Variants in DOP1A observed in about 807,000 individuals in gnomAD.
DOP1A encodes protein DOP1A.
In DOP1A, 90 loss-of-function variants were observed where a neutral mutation model predicts 267.6. That is an observed-to-expected ratio of 0.34 (90% CI 0.28 to 0.40). The LOEUF (loss-of-function observed/expected upper bound fraction) is 0.40, where lower values mean the gene tolerates loss of function less well. Among genes scored for constraint, DOP1A ranks in the 10% least tolerant of loss-of-function variants. DOP1A has a pLI of 1.00. For missense variants in DOP1A, 2,437 were observed against 2,900.4 expected (o/e 0.84, Z 3.67); for synonymous variants, 932 against 999.1 (o/e 0.93, Z 1.27).
At chr6:83,073,463 C>T (rs941667325) in intron 1 of DOP1A, among the ~76,000 whole-genome samples, 8 of 152,158 alleles carry the variant, frequency 5.3e-5, no homozygotes, top group Non-Finnish European at 7.3e-5. Context: ...GAAGGCTGTC[C>T]TCAAAGCACT....
intron 27 of DOP1A, among the ~76,000 whole-genome samples, chr6:83,149,581 A>C (rs534599825): frequency 1.3e-5 from 2 of 152,102 alleles, no homozygotes; most frequent in Non-Finnish European, 2.9e-5. Flanking sequence ...CAGGATCTTG[A>C]ATTTTATTTT....
At chr6:83,109,816 T>G (rs1774245151) in intron 5 of DOP1A, among the ~76,000 whole-genome samples, 2 of 152,184 alleles carry the variant, frequency 1.3e-5, no homozygotes, top group African/African-American at 4.8e-5. Context: ...AACAACCTAG[T>G]GAGGTAGATA....
At chr6:83,070,834 A>G (rs1297078171) in intron 1 of DOP1A, among the ~76,000 whole-genome samples, 8 of 151,866 alleles carry the variant, frequency 5.3e-5, no homozygotes, top group Admixed American at 5.2e-4. Flanking sequence ...TATTTCCTCA[A>G]CTTCAGTCTT....
chr6:83,072,929 C>T (rs978835386), intron 1 of DOP1A: 4 of 332,452 alleles, frequency 1.2e-5, no homozygotes, highest in Non-Finnish European at 2.4e-5. Context: ...TAAAAATTTC[C>T]TGGAGAGGTT....
intron 4 of DOP1A, 59 bp downstream of exon 4, chr6:83,100,945 ATT>A: frequency 8.8e-7 from 1 of 1,133,058 alleles, no homozygotes; most frequent in Admixed American, 3.2e-5. Context: ...TTGCTAAACT[ATT>A]TTATACTTTC....
chr6:83,108,411 TA>T (rs914945211), intron 4 of DOP1A, among the ~76,000 whole-genome samples: 20 of 152,304 alleles, frequency 1.3e-4, no homozygotes, highest in African/African-American at 4.8e-4. Flanking sequence ...CTCCTGGGCC[TA>T]AGCAGTCCTC....
At chr6:83,151,349 G>C (rs918844009) in intron 27 of DOP1A, among the ~76,000 whole-genome samples, 1 of 152,082 alleles carries the variant, frequency 6.6e-6, no homozygotes, top group African/African-American at 2.4e-5. Flanking sequence ...TTCTGCTCTT[G>C]CTGGACATCT....
Position 83,139,048 on chromosome 6 carries a change from C to T in DOP1A, c.5006C>T (p.Pro1669Leu). ...QWIGLITSTLPYMGKVLQRVV... is the reference protein window; with the variant it reads ...QWIGLITSTLLYMGKVLQRVV... ...ATTGGTTTAATCACATCTACTCTGC[C>T]TTACATGGGAAAAGTTCTGCAGAGA... The change falls in exon 21 of 39, where the codon CCT becomes CTT. Residue 1669 changes from proline (P) to leucine (L), a missense_variant. Around this residue, in one of 9 missense-constraint regions of DOP1A, gnomAD observed 307 missense variants for 308.6 expected, o/e 0.99. Coordinates refer to ENST00000349129, the MANE Select transcript of DOP1A (RefSeq NM_015018.4). 6.2e-7 allele frequency: 1 copy of T among 1,614,046 alleles called. No individual in the cohort carries two copies. Among genetic ancestry groups the T allele is most frequent in the East Asian group, 2.2e-5 (1 of 44,878 alleles).
chr6:83,141,050 T>C (rs1278092282), intron 23 of DOP1A, among the ~76,000 whole-genome samples: 1 of 152,170 alleles, frequency 6.6e-6, no homozygotes, highest in Non-Finnish European at 1.5e-5. Flanking sequence ...GTGTTCATTA[T>C]AGTATTATTT....
intron 18 of DOP1A, 150 bp downstream of exon 18, chr6:83,132,478 T>C (rs925114503): frequency 1.2e-6 from 1 of 854,418 alleles, no homozygotes; most frequent in African/African-American, 1.7e-5. Flanking sequence ...TTAATATCTT[T>C]AAAATAAATG....
At chr6:83,165,246 G>C (rs1172043126) in intron 38 of DOP1A, 1 of 152,336 alleles carries the variant, frequency 6.6e-6, no homozygotes, top group East Asian at 1.9e-4. Context: ...TCATAGTTAA[G>C]AAAGAAAGAA....
chr6:83,125,111 GA>G, intron 13 of DOP1A, 54 bp from the exon 14 acceptor site: 1 of 1,503,254 alleles, frequency 6.7e-7, no homozygotes, highest in Non-Finnish European at 9.0e-7. Flanking sequence ...AAGACTTTTG[GA>G]AATCTTTTCC....
intron 24 of DOP1A, 121 bp downstream of exon 24, chr6:83,142,167 G>A: frequency 7.5e-6 from 9 of 1,204,794 alleles, no homozygotes; most frequent in Non-Finnish European, 1.0e-5. Flanking sequence ...AAAGTCTGTC[G>A]ACAGCTTTAG....
At position 83,157,218 on chromosome 6, in the gene DOP1A, C is replaced by T; in HGVS notation, c.6641C>T (p.Pro2214Leu). The T allele has an allele frequency of 6.2e-7, 1 of 1,613,960 alleles. No homozygotes were observed. The highest frequency in any genetic ancestry group is 8.5e-7 in the Non-Finnish European group (1 of 1,179,940). ...LVESLRLPQVPTLHSQVFLFF... is the reference protein window; with the variant it reads ...LVESLRLPQVLTLHSQVFLFF... Reference sequence around the variant, plus strand: ...GAGAGTCTCCGTTTGCCACAGGTGCCAACTCTCCATTCTCAAGTGTTCCTG... The same window carrying T: ...GAGAGTCTCCGTTTGCCACAGGTGCTAACTCTCCATTCTCAAGTGTTCCTG... The change falls in exon 35 of 39, where the codon CCA (proline) becomes CTA (leucine). Residue 2214 changes from proline (P) to leucine (L), a missense_variant. This residue lies in a region of DOP1A where 75 missense variants were observed against 149.6 expected (regional missense o/e 0.50). Coordinates refer to ENST00000349129, the MANE Select transcript of DOP1A (RefSeq NM_015018.4).
At chr6:83,069,099 C>T (rs78736152) in intron 1 of DOP1A, among the ~76,000 whole-genome samples, 90 of 152,278 alleles carry the variant, frequency 5.9e-4, no homozygotes, top group African/African-American at 2.1e-3. Flanking sequence ...GGAGTGAGCT[C>T]TGGCCTGGGA....
intron 1 of DOP1A, among the ~76,000 whole-genome samples, chr6:83,087,185 C>T (rs1391057851): frequency 6.6e-6 from 1 of 152,028 alleles, no homozygotes; most frequent in Non-Finnish European, 1.5e-5. Flanking sequence ...ATTCTTTTTG[C>T]TTCCATTTTC....
At chr6:83,159,150 A>G (rs1419484858) in intron 36 of DOP1A, among the ~76,000 whole-genome samples, 1 of 152,236 alleles carries the variant, frequency 6.6e-6, no homozygotes, top group African/African-American at 2.4e-5. Flanking sequence ...TAGATTTATA[A>G]AAAGGATCTC....
At chr6:83,088,290 C>A (rs937533086) in intron 1 of DOP1A, among the ~76,000 whole-genome samples, 6 of 151,910 alleles carry the variant, frequency 3.9e-5, no homozygotes, top group Non-Finnish European at 5.9e-5. Flanking sequence ...AGAGTGTATA[C>A]CATTTGAAAG....
At position 83,135,799 on chromosome 6, in the gene DOP1A, A is replaced by C; in HGVS notation, c.3051A>C (p.Glu1017Asp). The C allele has an allele frequency of 6.2e-7, 1 of 1,613,762 alleles. No homozygotes were observed. The highest frequency in any genetic ancestry group is 1.1e-5 in the South Asian group (1 of 91,074). ...QRVSVQRVQA[E>D]RYWNKSPCYP... ...TTTCAGTACAGCGTGTACAAGCAGA[A>C]CGTTATTGGAATAAGTCTCCCTGTT... is the stretch of plus-strand genomic sequence containing the variant. Residue 1017 changes from glutamate (E) to aspartate (D), a missense_variant, in exon 20 of 39, where the codon GAA becomes GAC. Glu to Asp is a conservative substitution (Grantham distance 45, BLOSUM62 2). Coordinates refer to ENST00000349129, the MANE Select transcript of DOP1A (RefSeq NM_015018.4).
Sources: gnomAD v4.1 joint callset for allele counts (sites outside exome capture counted in the v4.1 genomes callset) on GRCh38, gnomAD v4.1.1 for gene constraint, gnomAD v4.1.1 regional missense constraint, MANE v1.5 for transcripts, NCBI Gene and HGNC (gene_info 2026-07-23, HGNC 2026-07-21) for gene names.